Variants in USP3 observed in about 807,000 individuals in gnomAD.
The protein encoded by USP3 is ubiquitin specific peptidase 3.
A neutral mutation model predicts 72.3 loss-of-function variants in USP3; 20 were observed. That is an observed-to-expected ratio of 0.28 (90% CI 0.19 to 0.40). USP3 has a LOEUF of 0.40. USP3 is among the 10% of genes least tolerant of loss of function. USP3 has a pLI of 1.00. For missense variants in USP3, 479 were observed against 633.9 expected (o/e 0.76, Z 2.62); for synonymous variants, 222 against 225.3 (o/e 0.99, Z 0.13).
chr15:63,517,553 A>G (rs1329447245), intron 1 of USP3, among the ~76,000 whole-genome samples: 1 of 152,226 alleles, frequency 6.6e-6, no homozygotes, highest in Admixed American at 6.5e-5. Flanking sequence ...GGGCTTGTCC[A>G]CAGTGGGCTT....
intron 1 of USP3, among the ~76,000 whole-genome samples, chr15:63,512,358 CTTCTTCTTTCTTCT>C (rs372421266): frequency 9.3e-6 from 1 of 107,402 alleles, no homozygotes; most frequent in Non-Finnish European, 2.0e-5. Flanking sequence ...TCTTCCTCTT[CTTCTTCTTTCTTCT>C]TTCTTCTTTC....
intron 1 of USP3, among the ~76,000 whole-genome samples, chr15:63,530,982 G>A (rs183899415): frequency 6.6e-6 from 1 of 152,322 alleles, no homozygotes; most frequent in Non-Finnish European, 1.5e-5. Flanking sequence ...ACCCAGTTGA[G>A]TAAAAAATGC....
chr15:63,532,833 G>T, intron 2 of USP3, 126 bp downstream of exon 2: 1 of 978,044 alleles, frequency 1.0e-6, no homozygotes, highest in South Asian at 1.5e-5. Context: ...ATTCCCTGTA[G>T]GGCTTCCTTC....
intron 1 of USP3, among the ~76,000 whole-genome samples, chr15:63,527,269 A>G (rs2065996470): frequency 6.6e-6 from 1 of 152,240 alleles, no homozygotes; most frequent in Non-Finnish European, 1.5e-5. Flanking sequence ...CTAAGGAAAT[A>G]GACCCAGAAT....
chr15:63,547,604 C>G (rs1033111625), intron 3 of USP3, among the ~76,000 whole-genome samples: 1 of 151,824 alleles, frequency 6.6e-6, no homozygotes, highest in South Asian at 2.1e-4. Flanking sequence ...GTCGCTCATG[C>G]GTGTAGTCAC....
Position 63,593,934 on chromosome 15 carries a change from T to C in USP3, c.*3108T>C, listed in dbSNP as rs552024929. ...CACACGGGTGGGTGACAGAAACAGT[T>C]TGTGGCAACACAAATCTCTCTCCAT... On this transcript the variant is annotated 3_prime_UTR_variant, in exon 15 of 15. Transcript: ENST00000380324. 2 of 152,378 alleles carry C rather than the reference T, an allele frequency of 1.3e-5. No homozygotes were observed. Among genetic ancestry groups the C allele is most frequent in the South Asian group, 4.1e-4 (2 of 4,830 alleles). 9.4% of individuals were successfully genotyped at this position (152,378 alleles called of 1,614,324 possible).
In USP3 at chr15:63,512,463, C is replaced by A. The variant is rs989402920; in HGVS notation, c.91+7633C>A. ...TCCTTCTTTTTCTTTCTTCTTTCTT[C>A]TTCTTCGGAATCTCACTCTTTGGCC... is the stretch of plus-strand genomic sequence containing the variant. On this transcript the variant is annotated intron_variant, in intron 1 of 14. Coordinates refer to ENST00000380324, the MANE Select transcript of USP3 (RefSeq NM_006537.4). Among the ~76,000 whole-genome samples the A allele has an allele frequency of 7.0e-4, 102 of 146,464 alleles. 1 individual carries two copies. The highest frequency in any genetic ancestry group is 2.5e-3 in the African/African-American group (100 of 39,700).
At chr15:63,557,423 C>G (rs139987031) in intron 5 of USP3, among the ~76,000 whole-genome samples, 3 of 152,094 alleles carry the variant, frequency 2.0e-5, no homozygotes, top group Non-Finnish European at 2.9e-5. Context: ...CCACCACGCC[C>G]GGCTAACTTT....
Position 63,528,339 on chromosome 15 carries a change from C to G in USP3, c.92-4308C>G, listed in dbSNP as rs1368175032. Reference sequence around the variant, plus strand: ...GTGTGAGAAATAAATTGCATGGCTTCCTTTTCCCTGACATCACCTTGAAGT... The same window carrying G: ...GTGTGAGAAATAAATTGCATGGCTTGCTTTTCCCTGACATCACCTTGAAGT... On this transcript the variant is annotated intron_variant, in intron 1 of 14. Coordinates refer to ENST00000380324, the MANE Select transcript of USP3 (RefSeq NM_006537.4). This position sits in a 1 kb window ranked among gnomAD's most constrained non-coding sequence, Gnocchi z 4.3. Among the ~76,000 whole-genome samples the G allele has an allele frequency of 1.3e-5, 2 of 152,150 alleles. No homozygotes were observed. The highest frequency in any genetic ancestry group is 2.9e-5 in the Non-Finnish European group (2 of 68,024).
Position 63,529,954 on chromosome 15 carries a change from A to C in USP3, c.92-2693A>C, listed in dbSNP as rs1595717208. On this transcript the variant is annotated intron_variant, in intron 1 of 14. Transcript: ENST00000380324. The surrounding 1 kb of genome is among the most constrained non-coding windows in gnomAD (Gnocchi z 4.2). ...CAAGACCAGTCTAGGCAACATAGTG[A>C]GACCCTGTCTCTACCAAAAAGAAAA... is the stretch of plus-strand genomic sequence containing the variant. Among the ~76,000 whole-genome samples the C allele has an allele frequency of 2.0e-5, 3 of 152,290 alleles. 1 individual carries two copies. The East Asian group carries it at 5.8e-4, about 29-fold the overall frequency.
At position 63,575,778 on chromosome 15, in the gene USP3, TTATATC is replaced by T. The variant is rs1753131511; in HGVS notation, c.1096+1378_1096+1383del. Among the ~76,000 whole-genome samples, 5 of 152,312 alleles carry T rather than the reference TTATATC, an allele frequency of 3.3e-5. No individual in the cohort carries two copies. The South Asian group carries it at 1.0e-3, about 32-fold the overall frequency. ...TTGTCAAATGTCACACATTTTCTCTTTATATCTAGGGCATGTGAGTACATGCTAACT... is the reference window on the plus strand; with the variant it reads ...TTGTCAAATGTCACACATTTTCTCTTTAGGGCATGTGAGTACATGCTAACT... On this transcript the variant is annotated intron_variant, in intron 11 of 14. Coordinates refer to ENST00000380324, the MANE Select transcript of USP3 (RefSeq NM_006537.4).
chr15:63,542,192 G>A (rs1306512670), intron 3 of USP3: 2 of 984,922 alleles, frequency 2.0e-6, no homozygotes, highest in African/African-American at 1.7e-5. Context: ...CTGAGAAAGA[G>A]GTAGAGATTT....
chr15:63,556,598 T>C, intron 4 of USP3, 69 bp from the exon 5 acceptor site: 1 of 1,294,258 alleles, frequency 7.7e-7, no homozygotes, highest in Admixed American at 2.6e-5. Context: ...AGCTGGAGTT[T>C]ATTCTTTCAC....
intron 2 of USP3, among the ~76,000 whole-genome samples, chr15:63,533,364 A>T (rs1053164033): frequency 6.8e-6 from 1 of 147,798 alleles, no homozygotes; most frequent in Non-Finnish European, 1.5e-5. Flanking sequence ...ACCCCACCCC[A>T]GTTTAAACCT....
At chr15:63,584,092 G>GTTTTTTTTTTTTT (rs61574200) in intron 11 of USP3, among the ~76,000 whole-genome samples, 2 of 85,580 alleles carry the variant, frequency 2.3e-5, no homozygotes, top group Non-Finnish European at 2.2e-5. Flanking sequence ...CAACGGTTTT[G>GTTTTTTTTTTTTT]TTTTTTTTTT....
chr15:63,541,776 ACT>A (rs1183208579), intron 3 of USP3, among the ~76,000 whole-genome samples: 1 of 152,116 alleles, frequency 6.6e-6, no homozygotes, highest in Non-Finnish European at 1.5e-5. Context: ...TTTCAGTATT[ACT>A]GTCATTTATA....
At chr15:63,542,014 A>T in intron 3 of USP3, 2 of 982,826 alleles carry the variant, frequency 2.0e-6, no homozygotes, top group Non-Finnish European at 2.4e-6. Flanking sequence ...ACTGTTGCAT[A>T]AAAAATGTTT....
In USP3 at chr15:63,590,840, T is replaced by C. The variant is rs1415058113; in HGVS notation, c.*14T>C. ...GATAAACTTTAATACCTCCTCCAAA[T>C]CATCATTCACCAACCATACCAGAGA... On this transcript the variant is annotated 3_prime_UTR_variant, in exon 15 of 15. Transcript: ENST00000380324. The C allele has an allele frequency of 6.2e-7, 1 of 1,601,746 alleles. No individual in the cohort carries two copies. The highest frequency in any genetic ancestry group is 1.7e-5 in the Admixed American group (1 of 57,890).
chr15:63,518,522 A>G (rs567138604), intron 1 of USP3, among the ~76,000 whole-genome samples: 1 of 152,322 alleles, frequency 6.6e-6, no homozygotes, highest in East Asian at 1.9e-4. Context: ...ATTGGAAGTA[A>G]AGGACACAGA....
Sources: allele counts gnomAD v4.1 joint callset (sites outside exome capture counted in the v4.1 genomes callset), GRCh38; gene constraint gnomAD v4.1.1; non-coding constraint Gnocchi (gnomAD v3.1); transcripts MANE v1.5; gene names NCBI Gene and HGNC (gene_info 2026-07-23, HGNC 2026-07-21).